MPP7: variants seen among roughly 807,000 people sequenced by gnomAD.
MPP7 encodes MAGUK p55 subfamily member 7.
MPP7 carries 60 observed loss-of-function variants against 76.5 expected under a neutral mutation model. That is an observed-to-expected ratio of 0.78 (90% CI 0.64 to 0.97). The LOEUF (loss-of-function observed/expected upper bound fraction) is 0.97, where lower values mean the gene tolerates loss of function less well. Ranked by LOEUF, MPP7 falls within the 50% of genes least tolerant of loss-of-function variation. The pLI is 0.00. For synonymous variants in MPP7, 237 were observed against 244.5 expected, an observed-to-expected ratio of 0.97 and a Z score of 0.29; for missense variants, 641 against 694.0, an observed-to-expected ratio of 0.92 and a Z score of 0.86.
chr10:28,105,752 C>T (rs1044157651), intron 11 of MPP7, among the ~76,000 whole-genome samples: 5 of 152,214 alleles, frequency 3.3e-5, no homozygotes, highest in African/African-American at 1.2e-4. Context: ...AGATGATCCA[C>T]TGGCCTTGGC....
chr10:28,221,434 G>A (rs573503520), intron 2 of MPP7, among the ~76,000 whole-genome samples: 1 of 152,264 alleles, frequency 6.6e-6, no homozygotes, highest in East Asian at 1.9e-4. Context: ...GCAGACTGGT[G>A]ATGCATAAAG....
chr10:28,228,685 CAAG>C (rs1838778108), intron 2 of MPP7, among the ~76,000 whole-genome samples: 1 of 151,822 alleles, frequency 6.6e-6, no homozygotes, highest in Non-Finnish European at 1.5e-5. Context: ...CGCTTGAACC[CAAG>C]AAGCAGAGGT....
rs181386331 is a variant in MPP7 at position 28,104,372 on chromosome 10, A to G, written c.953-14531T>C. On this transcript the variant is annotated intron_variant, in intron 11 of 16. Transcript: ENST00000683449. ...ACTACTAAAAAGTCCCACAATTACG[A>G]TAAGTCACAGAACATTTTAACACGT... Among the ~76,000 whole-genome samples, 25 of 152,350 alleles carry G rather than the reference A, an allele frequency of 1.6e-4. No homozygotes were observed. In the East Asian group the frequency reaches 4.4e-3, roughly 27 times the overall value.
chr10:28,322,085 T>G (rs576897980), intron 2 of MPP7, among the ~76,000 whole-genome samples: 1 of 151,726 alleles, frequency 6.6e-6, no homozygotes, highest in East Asian at 1.9e-4. Context: ...CAGGGCCATG[T>G]GACAAAATGA....
intron 14 of MPP7, chr10:28,059,396 A>C (rs1851688292): frequency 1.1e-5 from 4 of 363,100 alleles, no homozygotes; most frequent in Non-Finnish European, 2.0e-5. Flanking sequence ...AGAATAAGAC[A>C]CTTGCAACCT....
At chr10:28,184,059 T>C (rs971135373) in intron 3 of MPP7, among the ~76,000 whole-genome samples, 1 of 151,554 alleles carries the variant, frequency 6.6e-6, no homozygotes, top group Non-Finnish European at 1.5e-5. Flanking sequence ...TACACTAATA[T>C]ATAAGGAAAG....
chr10:28,165,175 C>T (rs978288832), intron 3 of MPP7, among the ~76,000 whole-genome samples: 4 of 152,060 alleles, frequency 2.6e-5, no homozygotes, highest in African/African-American at 7.2e-5. Flanking sequence ...CCAAATCGCC[C>T]GAGCCTGTGA....
chr10:28,204,874 C>G (rs1356534460), intron 2 of MPP7, among the ~76,000 whole-genome samples: 1 of 152,122 alleles, frequency 6.6e-6, no homozygotes, highest in Non-Finnish European at 1.5e-5. Context: ...GGATACAATA[C>G]CATACTCAGA....
At chr10:28,078,227 A>C (rs1277612932) in intron 12 of MPP7, among the ~76,000 whole-genome samples, 1 of 152,212 alleles carries the variant, frequency 6.6e-6, no homozygotes, top group Non-Finnish European at 1.5e-5. Context: ...TCCCCAGTCC[A>C]CGCAATCCAT....
intron 11 of MPP7, among the ~76,000 whole-genome samples, chr10:28,095,374 A>T (rs954149206): frequency 6.6e-6 from 1 of 152,060 alleles, no homozygotes; most frequent in Non-Finnish European, 1.5e-5. Flanking sequence ...TTTATTTGTG[A>T]TGATTTTTCA....
rs189867754 is a variant in MPP7, at chr10:28,247,926, G to A, written c.-131-9191C>T. ...TTATACTTCATGAATATTAGCTGCT[G>A]GAATCTATTGAGTATACTTTGTAAA... On this transcript the variant is annotated intron_variant, in intron 1 of 16. Coordinates refer to ENST00000683449, the MANE Select transcript of MPP7 (RefSeq NM_001318170.2). Among the ~76,000 whole-genome samples, 249 of 152,184 alleles carry A rather than the reference G, an allele frequency of 1.6e-3. 1 individual carries two copies. The highest frequency in any genetic ancestry group is 0.01 in the Middle Eastern group (3 of 292).
chr10:28,079,812 C>T (rs1852674474), intron 12 of MPP7, among the ~76,000 whole-genome samples: 1 of 151,956 alleles, frequency 6.6e-6, no homozygotes, highest in Non-Finnish European at 1.5e-5. Flanking sequence ...TGAAATGTGG[C>T]ACATGTGTAT....
At chr10:28,177,367 C>T (rs1836908809) in intron 3 of MPP7, among the ~76,000 whole-genome samples, 1 of 150,004 alleles carries the variant, frequency 6.7e-6, no homozygotes, top group South Asian at 2.1e-4. Flanking sequence ...AAGATCACGC[C>T]ACTGCACTCC....
intron 3 of MPP7, among the ~76,000 whole-genome samples, chr10:28,161,826 G>A (rs989373897): frequency 2.6e-5 from 4 of 152,026 alleles, no homozygotes; most frequent in South Asian, 2.1e-4. Flanking sequence ...ATGGCTATAC[G>A]TTAAAACTTA....
At chr10:28,219,542 C>G (rs1348755565) in intron 2 of MPP7, among the ~76,000 whole-genome samples, 1 of 152,028 alleles carries the variant, frequency 6.6e-6, no homozygotes, top group East Asian at 1.9e-4. Context: ...AAGCCATAAA[C>G]CTATGTTAAA....
chr10:28,106,852 C>T (rs1002403287), intron 11 of MPP7, among the ~76,000 whole-genome samples: 2 of 152,152 alleles, frequency 1.3e-5, no homozygotes, highest in African/African-American at 4.8e-5. Flanking sequence ...TTTGTCAGAA[C>T]TCATTGTCTT....
At chr10:28,060,126 T>C (rs1851720954) in intron 13 of MPP7, among the ~76,000 whole-genome samples, 1 of 151,884 alleles carries the variant, frequency 6.6e-6, no homozygotes. Context: ...TATTAACCAC[T>C]AAGTTGTTAG....
chr10:28,282,368 C>T (rs758814771), intron 1 of MPP7, among the ~76,000 whole-genome samples: 21 of 152,066 alleles, frequency 1.4e-4, no homozygotes, highest in Non-Finnish European at 2.9e-4. Context: ...CTTAAAAATG[C>T]TTACAGCTGG....
chr10:28,187,113 T>C (rs1837262680), intron 3 of MPP7, among the ~76,000 whole-genome samples: 1 of 152,196 alleles, frequency 6.6e-6, no homozygotes, highest in African/African-American at 2.4e-5. Flanking sequence ...AAACTAAGTA[T>C]ATTTGAATCA....
Sources: allele counts gnomAD v4.1 joint callset (sites outside exome capture counted in the v4.1 genomes callset), GRCh38; gene constraint gnomAD v4.1.1; transcripts MANE v1.5; gene names NCBI Gene and HGNC (gene_info 2026-07-23, HGNC 2026-07-21).